COL9A1: variants seen among roughly 807,000 people sequenced by gnomAD.
The protein encoded by COL9A1 is collagen type IX alpha 1 chain, also known as collagen alpha-1(IX) chain.
In COL9A1, 104 loss-of-function variants were observed where a neutral mutation model predicts 142.6. The observed-to-expected ratio is 0.73, with a 90% CI of 0.62 to 0.86. The LOEUF is 0.86. COL9A1 is among the 40% of genes least tolerant of loss of function. The pLI, the probability that COL9A1 is intolerant of heterozygous loss-of-function variation, is 0.00. For missense variants in COL9A1, 1,210 were observed against 1,176.6 expected (o/e 1.03, Z -0.42); for synonymous variants, 466 against 396.0 (o/e 1.18, Z -2.10).
At chr6:70,302,818 C>T (rs1008187616) in intron 1 of COL9A1, 93 bp downstream of exon 1, 20 of 1,380,418 alleles carry the variant, frequency 1.4e-5, no homozygotes, top group Non-Finnish European at 2.0e-5. Flanking sequence ...CTCACCTACT[C>T]TCATCTTACC....
At chr6:70,302,355 A>T (rs565677205) in intron 1 of COL9A1, among the ~76,000 whole-genome samples, 1 of 152,050 alleles carries the variant, frequency 6.6e-6, no homozygotes, top group Admixed American at 6.5e-5. Context: ...GATTACAGGC[A>T]CGTGCCACCA....
At chr6:70,226,135 G>T in intron 36 of COL9A1, 126 bp from the exon 37 acceptor site, 1 of 794,100 alleles carries the variant, frequency 1.3e-6, no homozygotes, top group South Asian at 1.5e-5. Context: ...AAACTAGATT[G>T]TAGTGAGTAT....
Position 70,232,629 on chromosome 6 carries a change from C to T in COL9A1, c.2457G>A (p.Pro819=), listed in dbSNP as rs757620185. The T allele has an allele frequency of 1.5e-5, 25 of 1,613,954 alleles. No homozygotes were observed. Among genetic ancestry groups the T allele is most frequent in the South Asian group, 3.3e-5 (3 of 91,084 alleles). Residue 819 remains proline (P), a synonymous_variant, in exon 36 of 38, where the codon CCG becomes CCA. Coordinates refer to ENST00000357250, the MANE Select transcript of COL9A1 (RefSeq NM_001851.6). ...FPGQMGIRGL[P]GIKGPPGALG... is the part of the protein sequence containing the mutation. Reference sequence around the variant, plus strand: ...GAGCACCAGGGGGCCCCTTAATGCCCGGAAGGCCACGAATTCCCATCTGGC... The same window carrying T: ...GAGCACCAGGGGGCCCCTTAATGCCTGGAAGGCCACGAATTCCCATCTGGC...
intron 5 of COL9A1, among the ~76,000 whole-genome samples, chr6:70,285,991 C>A (rs11752917): frequency 1.7e-4 from 26 of 152,106 alleles, no homozygotes; most frequent in African/African-American, 6.0e-4. Context: ...TGGGTTCAGG[C>A]GATTCTCCTG....
chr6:70,267,327 G>GTTTTTTATTGTTT (rs1554241917), intron 17 of COL9A1, among the ~76,000 whole-genome samples: 1 of 127,032 alleles, frequency 7.9e-6, no homozygotes, highest in African/African-American at 3.0e-5. Context: ...TGGTTTTTTT[G>GTTTTTTATTGTTT]TTTTTTTTTT....
chr6:70,300,885 G>A (rs976716150), intron 2 of COL9A1, among the ~76,000 whole-genome samples: 1 of 152,156 alleles, frequency 6.6e-6, no homozygotes, highest in Non-Finnish European at 1.5e-5. Context: ...CAGTTCAGTG[G>A]GGCTTCTGGA....
intron 12 of COL9A1, among the ~76,000 whole-genome samples, chr6:70,273,210 T>C (rs189800734): frequency 6.6e-6 from 1 of 152,268 alleles, no homozygotes; most frequent in Non-Finnish European, 1.5e-5. Flanking sequence ...CTTTAATACA[T>C]AGGTCAATTC....
intron 20 of COL9A1, 61 bp from the exon 21 acceptor site, chr6:70,256,882 T>G (rs956670106): frequency 1.2e-5 from 18 of 1,504,614 alleles, no homozygotes; most frequent in Non-Finnish European, 1.6e-5. Context: ...AAAGGAAGCA[T>G]CCATCTTTCT....
chr6:70,256,678 A>T, intron 21 of COL9A1, 90 bp downstream of exon 21: 1 of 1,009,914 alleles, frequency 9.9e-7, no homozygotes, highest in Non-Finnish European at 1.5e-6. Context: ...CACTTTAATT[A>T]TTCACACATA....
At chr6:70,221,112 C>A (rs1768856209) in intron 37 of COL9A1, among the ~76,000 whole-genome samples, 1 of 150,034 alleles carries the variant, frequency 6.7e-6, no homozygotes, top group Non-Finnish European at 1.5e-5. Flanking sequence ...TTTTTTTAAA[C>A]AAATGAATAG....
intron 2 of COL9A1, among the ~76,000 whole-genome samples, chr6:70,301,626 T>C (rs1774067550): frequency 1.3e-5 from 2 of 152,100 alleles, no homozygotes; most frequent in African/African-American, 4.8e-5. Context: ...ACCATAATGG[T>C]ACATCAAACA....
chr6:70,284,913 A>T (rs1773389596), intron 5 of COL9A1, among the ~76,000 whole-genome samples: 1 of 152,170 alleles, frequency 6.6e-6, no homozygotes. Flanking sequence ...AAATTACATA[A>T]TTTTTTTCAC....
At chr6:70,288,432 A>T (rs1176783886) in intron 5 of COL9A1, among the ~76,000 whole-genome samples, 2 of 152,072 alleles carry the variant, frequency 1.3e-5, no homozygotes, top group Non-Finnish European at 2.9e-5. Context: ...TTCTCCTACA[A>T]TATATTATCA....
At chr6:70,279,318 A>T (rs1349239670) in intron 10 of COL9A1, among the ~76,000 whole-genome samples, 1 of 152,228 alleles carries the variant, frequency 6.6e-6, no homozygotes, top group African/African-American at 2.4e-5. Flanking sequence ...TTACATTAAT[A>T]CAAACGCTTG....
intron 18 of COL9A1, among the ~76,000 whole-genome samples, chr6:70,264,413 A>G (rs909244958): frequency 6.6e-6 from 1 of 152,036 alleles, no homozygotes; most frequent in Non-Finnish European, 1.5e-5. Context: ...TTAGCCTCAT[A>G]ATTATATTCA....
intron 28 of COL9A1, among the ~76,000 whole-genome samples, chr6:70,248,387 T>C (rs954051616): frequency 6.6e-6 from 1 of 152,202 alleles, no homozygotes; most frequent in Non-Finnish European, 1.5e-5. Flanking sequence ...AATACATGCT[T>C]CTAGGACACA....
At chr6:70,220,741 G>A (rs1229477169) in intron 37 of COL9A1, among the ~76,000 whole-genome samples, 1 of 152,144 alleles carries the variant, frequency 6.6e-6, no homozygotes, top group Non-Finnish European at 1.5e-5. Flanking sequence ...CACAAAATGG[G>A]CATAAATGGT....
intron 37 of COL9A1, among the ~76,000 whole-genome samples, chr6:70,221,397 T>G (rs2127548496): frequency 6.6e-6 from 1 of 152,336 alleles, no homozygotes; most frequent in East Asian, 1.9e-4. Flanking sequence ...GCAGTATATG[T>G]TTAAGGAATT....
intron 28 of COL9A1, among the ~76,000 whole-genome samples, chr6:70,247,930 C>G (rs1305948828): frequency 6.6e-6 from 1 of 152,100 alleles, no homozygotes; most frequent in Admixed American, 6.5e-5. Context: ...CATTTGTGGA[C>G]CTCTGTCATT....
Sources: gnomAD v4.1 joint callset for allele counts (sites outside exome capture counted in the v4.1 genomes callset) on GRCh38, gnomAD v4.1.1 for gene constraint, MANE v1.5 for transcripts, NCBI Gene and HGNC (gene_info 2026-07-23, HGNC 2026-07-21) for gene names.